LIMA1: variants seen among roughly 807,000 people sequenced by gnomAD.
The protein encoded by LIMA1 is LIM domain and actin binding 1, also known as LIM domain and actin-binding protein 1.
A neutral mutation model predicts 62.6 loss-of-function variants in LIMA1; 52 were observed. The ratio of observed to expected loss-of-function variants is 0.83; its 90% CI spans 0.67 to 1.05. The LOEUF (loss-of-function observed/expected upper bound fraction) is 1.05. Ranked by LOEUF, LIMA1 falls within the 50% of genes least tolerant of loss-of-function variation. LIMA1 has a pLI of 0.00. For missense variants in LIMA1, 780 were observed against 902.2 expected (o/e 0.86, Z 1.74); for synonymous variants, 302 against 317.8 (o/e 0.95, Z 0.53).
chr12:50,215,294 T>C (rs975461061), intron 4 of LIMA1, among the ~76,000 whole-genome samples: 6 of 152,134 alleles, frequency 3.9e-5, no homozygotes, highest in African/African-American at 1.4e-4. Context: ...TGATGCTATC[T>C]ATACATATCA....
chr12:50,184,055 A>G (rs1372897228), intron 9 of LIMA1, among the ~76,000 whole-genome samples: 1 of 152,150 alleles, frequency 6.6e-6, no homozygotes, highest in East Asian at 1.9e-4. Flanking sequence ...GAAGGAAGGA[A>G]CAAAGCTGAG....
chr12:50,192,105 C>T (rs1315457692), intron 9 of LIMA1, among the ~76,000 whole-genome samples: 1 of 148,078 alleles, frequency 6.8e-6, no homozygotes, highest in Non-Finnish European at 1.5e-5. Context: ...CACTGCACTC[C>T]AGCCTGGGTG....
At chr12:50,275,836 G>T (rs776953185) in intron 1 of LIMA1, among the ~76,000 whole-genome samples, 1 of 152,080 alleles carries the variant, frequency 6.6e-6, no homozygotes, top group Non-Finnish European at 1.5e-5. Flanking sequence ...TGTCAGAGTG[G>T]GGGTGTGGGT....
chr12:50,190,804 T>TAAA (rs1229932042), intron 9 of LIMA1, among the ~76,000 whole-genome samples: 173 of 119,690 alleles, frequency 1.4e-3, no homozygotes, highest in Middle Eastern at 4.4e-3. Flanking sequence ...CAACAGGTCC[T>TAAA]AAAAAAAAAA....
At chr12:50,267,930 C>G (rs922372836) in intron 1 of LIMA1, among the ~76,000 whole-genome samples, 1 of 152,100 alleles carries the variant, frequency 6.6e-6, no homozygotes, top group Non-Finnish European at 1.5e-5. Flanking sequence ...GCTGGGGTTA[C>G]AGGTGTAAGC....
chr12:50,269,995 G>A (rs1000504453), intron 1 of LIMA1, among the ~76,000 whole-genome samples: 1 of 151,014 alleles, frequency 6.6e-6, no homozygotes, highest in African/African-American at 2.4e-5. Flanking sequence ...AGCACTCTGG[G>A]AGGCCGAGGT....
chr12:50,240,129 C>T (rs1941756256), intron 2 of LIMA1, among the ~76,000 whole-genome samples: 1 of 151,442 alleles, frequency 6.6e-6, no homozygotes, highest in African/African-American at 2.4e-5. Context: ...GAAGTTTGAC[C>T]AGATGAAGTT....
rs1313610087 is a variant in LIMA1, at chr12:50,235,363, C to G, written c.120-3653G>C. Among the ~76,000 whole-genome samples, 4 of 149,050 alleles carry G rather than the reference C, an allele frequency of 2.7e-5. No homozygotes were observed. The East Asian group carries it at 7.9e-4, about 30-fold the overall frequency. ...GTGTAATCTCGGCTCACTGCAACCTCTGTCTCCCGGGTTCAAGTGATTCTC... is the reference window on the plus strand; with the variant it reads ...GTGTAATCTCGGCTCACTGCAACCTGTGTCTCCCGGGTTCAAGTGATTCTC... On this transcript the variant is annotated intron_variant, in intron 2 of 10. Transcript: ENST00000341247.
At chr12:50,255,549 C>CAAAAA (rs1185514558) in intron 1 of LIMA1, among the ~76,000 whole-genome samples, 3 of 39,430 alleles carry the variant, frequency 7.6e-5, no homozygotes, top group East Asian at 7.5e-4. Flanking sequence ...CAGACCCTGT[C>CAAAAA]AAAAAAAAAA....
intron 1 of LIMA1, among the ~76,000 whole-genome samples, chr12:50,256,067 TG>T (rs945184790): frequency 2.0e-5 from 3 of 152,006 alleles, no homozygotes; most frequent in African/African-American, 7.3e-5. Context: ...TTTTTTTTTT[TG>T]TATTTTTAGT....
In LIMA1 at chr12:50,218,671, C is replaced by T. The variant is rs116568817; in HGVS notation, c.630+3350G>A. On this transcript the variant is annotated intron_variant, in intron 4 of 10. Transcript: ENST00000341247. ...CTGTAATTTCACCAGCTTGGGAGGC[C>T]AAGGCAGGAGGATCACTTGAGCCCA... Among the ~76,000 whole-genome samples, 1,449 of 151,870 alleles carry T rather than the reference C, an allele frequency of 9.5e-3. 23 individuals carry two copies. The highest frequency in any genetic ancestry group is 0.032 in the African/African-American group (1,306 of 41,400).
intron 4 of LIMA1, among the ~76,000 whole-genome samples, chr12:50,213,098 G>C (rs1422503582): frequency 6.6e-6 from 1 of 152,136 alleles, no homozygotes; most frequent in Non-Finnish European, 1.5e-5. Flanking sequence ...CCAAAGTGCT[G>C]GGATTACAAG....
chr12:50,207,943 A>C (rs1941183691), intron 4 of LIMA1, among the ~76,000 whole-genome samples: 1 of 151,912 alleles, frequency 6.6e-6, no homozygotes, highest in South Asian at 2.1e-4. Context: ...TATTTTTTAT[A>C]CCCCCTCCTT....
At chr12:50,253,325 A>G (rs1941953506) in intron 1 of LIMA1, among the ~76,000 whole-genome samples, 1 of 152,222 alleles carries the variant, frequency 6.6e-6, no homozygotes, top group South Asian at 2.1e-4. Flanking sequence ...CAATCCTCAC[A>G]ATCATTCTAC....
intron 10 of LIMA1, among the ~76,000 whole-genome samples, chr12:50,179,717 A>G (rs34309034): frequency 0.37 from 54,040 of 146,968 alleles, 10,369 homozygotes; most frequent in African/African-American, 0.45. Flanking sequence ...GATTACAGGC[A>G]TGAGCAACTG....
chr12:50,262,499 C>T (rs1399823396), intron 1 of LIMA1, among the ~76,000 whole-genome samples: 1 of 152,008 alleles, frequency 6.6e-6, no homozygotes, highest in Non-Finnish European at 1.5e-5. Context: ...TAAGGCTGGG[C>T]ACAGTGGCTC....
intron 4 of LIMA1, among the ~76,000 whole-genome samples, chr12:50,221,498 T>C (rs1450071678): frequency 1.3e-5 from 2 of 152,338 alleles, no homozygotes; most frequent in East Asian, 1.9e-4. Flanking sequence ...GCTATCTTCA[T>C]TGATTTTGCC....
intron 9 of LIMA1, chr12:50,185,553 A>C (rs1305030498): frequency 5.4e-5 from 24 of 440,804 alleles, no homozygotes; most frequent in Admixed American, 7.6e-5. Flanking sequence ...ATCCAAGAAT[A>C]AGACCACATT....
In LIMA1 at chr12:50,177,931, G is replaced by A. The variant is rs146071798; in HGVS notation, c.1413C>T (p.Asn471=). The A allele has an allele frequency of 1.9e-5, 31 of 1,613,956 alleles. No homozygotes were observed. The highest frequency in any genetic ancestry group is 4.5e-5 in the East Asian group (2 of 44,866). ...HKDLWASKNE[N]EEILERPAQL... ...GGGCTGGTCTCTCCAAAATCTCTTC[G>A]TTTTCATTTTTGCTTGCCCATAGAT... Residue 471 remains asparagine, a synonymous_variant, in exon 11 of 11, where the codon AAC becomes AAT. Transcript: ENST00000341247.
Sources: gnomAD v4.1 joint callset for allele counts (sites outside exome capture counted in the v4.1 genomes callset) on GRCh38, gnomAD v4.1.1 for gene constraint, MANE v1.5 for transcripts, NCBI Gene and HGNC (gene_info 2026-07-23, HGNC 2026-07-21) for gene names.